The following ANO3 variants were observed in gnomAD, a reference collection of about 807,000 sequenced individuals.
The protein encoded by ANO3 is anoctamin-3.
Under a neutral mutation model 144.8 loss-of-function variants are expected in ANO3, and 99 were observed. The observed-to-expected ratio is 0.68, with a 90% CI of 0.58 to 0.81. ANO3 has a LOEUF of 0.81. Among genes scored for constraint, ANO3 ranks in the 30% least tolerant of loss-of-function variants. ANO3 has a pLI of 0.00. For synonymous variants in ANO3, 414 were observed against 392.6 expected, an observed-to-expected ratio of 1.05 and a Z score of -0.64; for missense variants, 905 against 1,202.2, an observed-to-expected ratio of 0.75 and a Z score of 3.66.
intron 4 of ANO3, chr11:26,474,185 AC>A (rs1019135192): frequency 3.2e-5 from 26 of 820,840 alleles, no homozygotes; most frequent in Non-Finnish European, 3.7e-5. Context: ...ATTTTCTTAA[AC>A]ATATGTAGAG....
At chr11:26,267,172 T>TCACGCACG (rs200858152) in intron 1 of ANO3, among the ~76,000 whole-genome samples, 1 of 151,306 alleles carries the variant, frequency 6.6e-6, no homozygotes, top group African/African-American at 2.4e-5. Flanking sequence ...AGAAGGACCT[T>TCACGCACG]CACGCACGCA....
intron 1 of ANO3, among the ~76,000 whole-genome samples, chr11:26,338,705 G>A (rs1855264261): frequency 6.6e-6 from 1 of 152,030 alleles, no homozygotes; most frequent in Admixed American, 6.6e-5. Context: ...CCCCCCACTG[G>A]GAGAAACAAC....
chr11:26,291,726 G>A (rs1853962919), intron 1 of ANO3, among the ~76,000 whole-genome samples: 2 of 152,190 alleles, frequency 1.3e-5, no homozygotes, highest in South Asian at 4.1e-4. Context: ...TAAGAATGTT[G>A]AATATTGGCC....
At chr11:26,456,036 A>C (rs1244432129) in intron 3 of ANO3, among the ~76,000 whole-genome samples, 1 of 151,586 alleles carries the variant, frequency 6.6e-6, no homozygotes, top group East Asian at 1.9e-4. Flanking sequence ...GAAAGCTGAA[A>C]CTGGATCCCT....
intron 1 of ANO3, among the ~76,000 whole-genome samples, chr11:26,400,693 C>T (rs1375102613): frequency 6.6e-6 from 1 of 151,422 alleles, no homozygotes; most frequent in East Asian, 2.0e-4. Context: ...AAAACTTGCA[C>T]ATTACAACAT....
At chr11:26,525,835 A>C (rs1849148826) in intron 7 of ANO3, among the ~76,000 whole-genome samples, 156 bp downstream of exon 7, 1 of 152,166 alleles carries the variant, frequency 6.6e-6, no homozygotes, top group Non-Finnish European at 1.5e-5. Flanking sequence ...GCCAAATCGA[A>C]TAACATTTAA....
At chr11:26,514,044 A>T (rs1040716657) in intron 5 of ANO3, among the ~76,000 whole-genome samples, 1 of 152,136 alleles carries the variant, frequency 6.6e-6, no homozygotes, top group African/African-American at 2.4e-5. Context: ...AAAGATGAAA[A>T]GGACAAATAT....
At chr11:26,497,382 G>A (rs1228020168) in intron 4 of ANO3, among the ~76,000 whole-genome samples, 1 of 152,002 alleles carries the variant, frequency 6.6e-6, no homozygotes, top group Non-Finnish European at 1.5e-5. Context: ...TTACTCAGCA[G>A]TGGCATTGCT....
At chr11:26,457,945 AAC>A (rs1040989678) in intron 3 of ANO3, among the ~76,000 whole-genome samples, 4 of 152,146 alleles carry the variant, frequency 2.6e-5, no homozygotes, top group African/African-American at 9.7e-5. Flanking sequence ...TAGATTTTAA[AAC>A]ACTATCAATT....
chr11:26,438,611 A>AAAAAAG (rs1858388845), intron 1 of ANO3, among the ~76,000 whole-genome samples: 2 of 35,512 alleles, frequency 5.6e-5, no homozygotes, highest in Non-Finnish European at 1.2e-4. Context: ...AAAAAAAAGA[A>AAAAAAG]AAAAAAAAAA....
At chr11:26,455,531 C>T (rs1477908870) in intron 3 of ANO3, among the ~76,000 whole-genome samples, 10 of 152,290 alleles carry the variant, frequency 6.6e-5, no homozygotes, top group South Asian at 2.1e-4. Context: ...TGAAGTACAT[C>T]TTCAAGGAGA....
At chr11:26,197,126 AT>A (rs1564912928) in intron 1 of ANO3, among the ~76,000 whole-genome samples, 1 of 152,106 alleles carries the variant, frequency 6.6e-6, no homozygotes, top group Non-Finnish European at 1.5e-5. Flanking sequence ...CTCCTCATCC[AT>A]GGGTGTCCAG....
chr11:26,388,188 GTCTATT>G (rs1443679198), intron 1 of ANO3, among the ~76,000 whole-genome samples: 1 of 148,936 alleles, frequency 6.7e-6, no homozygotes, highest in Non-Finnish European at 1.5e-5. Flanking sequence ...TATATTTATG[GTCTATT>G]ATGTCCTATA....
intron 10 of ANO3, among the ~76,000 whole-genome samples, chr11:26,539,751 G>A (rs1849599045): frequency 6.6e-6 from 1 of 152,132 alleles, no homozygotes; most frequent in South Asian, 2.1e-4. Flanking sequence ...TATATCAAAT[G>A]CGTAAAATAC....
intron 3 of ANO3, among the ~76,000 whole-genome samples, chr11:26,452,450 C>T (rs1028562079): frequency 3.0e-4 from 45 of 151,966 alleles, no homozygotes; most frequent in African/African-American, 5.8e-4. Context: ...CCTCAGGAGC[C>T]GATGCGATCA....
At chr11:26,350,433 A>G (rs1855616860) in intron 1 of ANO3, among the ~76,000 whole-genome samples, 1 of 152,224 alleles carries the variant, frequency 6.6e-6, no homozygotes, top group African/African-American at 2.4e-5. Flanking sequence ...CAAATAACAC[A>G]TGATTATTGT....
intron 1 of ANO3, among the ~76,000 whole-genome samples, chr11:26,230,108 G>C (rs1852358210): frequency 6.6e-6 from 1 of 152,162 alleles, no homozygotes. Context: ...CCTTCTAAAA[G>C]AGCTGCTCTT....
intron 19 of ANO3, 56 bp downstream of exon 19, chr11:26,634,371 T>A (rs1852884381): frequency 9.0e-7 from 1 of 1,112,490 alleles, no homozygotes. Flanking sequence ...GTCAATAGTT[T>A]AATTGACGAT....
At chr11:26,541,382 C>T (rs1849639725) in intron 10 of ANO3, among the ~76,000 whole-genome samples, 1 of 152,082 alleles carries the variant, frequency 6.6e-6, no homozygotes, top group Admixed American at 6.5e-5. Context: ...TACCATGGCA[C>T]ATGTATACCT....
Sources: allele counts gnomAD v4.1 joint callset (sites outside exome capture counted in the v4.1 genomes callset), GRCh38; gene constraint gnomAD v4.1.1; transcripts MANE v1.5; gene names NCBI Gene and HGNC (gene_info 2026-07-23, HGNC 2026-07-21).